NLGN1: variants seen among roughly 807,000 people sequenced by gnomAD.
NLGN1 encodes neuroligin 1, also known as neuroligin-1.
A neutral mutation model predicts 65.5 loss-of-function variants in NLGN1; 12 were observed. The ratio of observed to expected loss-of-function variants is 0.18; its 90% CI spans 0.12 to 0.30. The LOEUF (loss-of-function observed/expected upper bound fraction) is 0.30, where lower values mean the gene tolerates loss of function less well. NLGN1 is among the 10% of genes least tolerant of loss of function. NLGN1 has a pLI of 1.00. For synonymous variants in NLGN1, 350 were observed against 359.5 expected (o/e 0.97, Z 0.30); for missense variants, 750 against 1,007.1 (o/e 0.74, Z 3.46).
chr3:173,818,892 G>GTTTTTTTTTTT (rs1224307666), intron 4 of NLGN1, among the ~76,000 whole-genome samples: 2 of 21,310 alleles, frequency 9.4e-5, no homozygotes, highest in African/African-American at 2.7e-4. Flanking sequence ...CCTTTGAATA[G>GTTTTTTTTTTT]TTCTTTTTTT....
At chr3:173,562,350 T>C (rs1230952164) in intron 2 of NLGN1, among the ~76,000 whole-genome samples, 1 of 152,136 alleles carries the variant, frequency 6.6e-6, no homozygotes, top group Non-Finnish European at 1.5e-5. Flanking sequence ...GAGCGGATCA[T>C]GAGATCAGGA....
At chr3:173,951,176 T>G (rs1190828876) in intron 4 of NLGN1, among the ~76,000 whole-genome samples, 1 of 152,032 alleles carries the variant, frequency 6.6e-6, no homozygotes, top group Non-Finnish European at 1.5e-5. Flanking sequence ...CTGTTATTAA[T>G]TATACAAATA....
chr3:173,753,152 T>G (rs1776549660), intron 3 of NLGN1, among the ~76,000 whole-genome samples: 1 of 152,114 alleles, frequency 6.6e-6, no homozygotes, highest in African/African-American at 2.4e-5. Flanking sequence ...AAAACTACAC[T>G]CATTGCCTTA....
intron 2 of NLGN1, among the ~76,000 whole-genome samples, chr3:173,451,697 G>A (rs1385451544): frequency 2.0e-5 from 3 of 152,178 alleles, no homozygotes; most frequent in Non-Finnish European, 4.4e-5. Flanking sequence ...TTGAGCTGTG[G>A]TGAGCTCCAC....
intron 4 of NLGN1, among the ~76,000 whole-genome samples, chr3:173,919,799 T>C (rs1478560027): frequency 6.6e-6 from 1 of 152,176 alleles, no homozygotes; most frequent in African/African-American, 2.4e-5. Context: ...CTAGTAGATA[T>C]ATAGCTATTA....
intron 4 of NLGN1, among the ~76,000 whole-genome samples, chr3:174,080,894 T>G (rs1310589004): frequency 5.3e-5 from 8 of 150,832 alleles, no homozygotes; most frequent in Admixed American, 2.6e-4. Flanking sequence ...TAACCATCAT[T>G]TGAATTTGAT....
chr3:173,535,523 G>C lies in NLGN1; in HGVS notation c.-320-68756G>C, dbSNP rs140156154. ...TCAGATCATAAGTGACAGGACTATA[G>C]ACAGTGCTCTGAGCCTTAGTAATAT... On this transcript the variant is annotated intron_variant, in intron 2 of 6. Coordinates refer to ENST00000457714, the Ensembl canonical transcript of NLGN1. 7.9e-4 allele frequency among the ~76,000 whole-genome samples: 121 copies of C among 152,238 alleles called. 1 individual carries two copies. The highest frequency in any genetic ancestry group is 1.3e-3 in the Non-Finnish European group (89 of 68,026).
intron 2 of NLGN1, among the ~76,000 whole-genome samples, chr3:173,529,292 C>G (rs2149173391): frequency 6.6e-6 from 1 of 152,172 alleles, no homozygotes; most frequent in South Asian, 2.1e-4. Flanking sequence ...GCCAGCAGCG[C>G]AAAAGCAGGT....
chr3:174,159,925 G>A (rs530318732), intron 4 of NLGN1, among the ~76,000 whole-genome samples: 15 of 151,874 alleles, frequency 9.9e-5, no homozygotes, highest in Admixed American at 5.3e-4. Context: ...CAGCATTAAA[G>A]CCACAGCAGT....
At chr3:174,086,296 TTTATG>T (rs1743351683) in intron 4 of NLGN1, among the ~76,000 whole-genome samples, 1 of 149,840 alleles carries the variant, frequency 6.7e-6, no homozygotes. Flanking sequence ...TATATATATA[TTTATG>T]TATGTGCATA....
chr3:174,124,725 T>C (rs1325750114), intron 4 of NLGN1, among the ~76,000 whole-genome samples: 1 of 149,926 alleles, frequency 6.7e-6, no homozygotes, highest in African/African-American at 2.4e-5. Flanking sequence ...TTTATACGTA[T>C]ATGTGTATAT....
chr3:173,403,404 A>T (rs1483466553), intron 1 of NLGN1, among the ~76,000 whole-genome samples: 2 of 152,146 alleles, frequency 1.3e-5, no homozygotes, highest in African/African-American at 4.8e-5. Context: ...TCACCATCAT[A>T]ATTCAGAGAT....
intron 4 of NLGN1, among the ~76,000 whole-genome samples, chr3:174,018,835 T>C (rs555867863): frequency 1.3e-5 from 2 of 152,282 alleles, no homozygotes; most frequent in Admixed American, 6.5e-5. Flanking sequence ...TAATTTAGAT[T>C]ACTATAATGT....
At chr3:174,240,921 C>T (rs1473093173) in intron 4 of NLGN1, among the ~76,000 whole-genome samples, 1 of 152,124 alleles carries the variant, frequency 6.6e-6, no homozygotes, top group Non-Finnish European at 1.5e-5. Flanking sequence ...TCTGCTGTTT[C>T]TTTTCTGCTT....
At chr3:173,534,908 A>T (rs1737186578) in intron 2 of NLGN1, among the ~76,000 whole-genome samples, 2 of 151,918 alleles carry the variant, frequency 1.3e-5, no homozygotes, top group Non-Finnish European at 2.9e-5. Context: ...ATTGATTAAT[A>T]AATAAATTCA....
chr3:174,012,470 TA>T (rs1405635127), intron 4 of NLGN1, among the ~76,000 whole-genome samples: 4 of 152,168 alleles, frequency 2.6e-5, no homozygotes, highest in Non-Finnish European at 4.4e-5. Flanking sequence ...TCTGAGAGAA[TA>T]ATTAGTAGAA....
chr3:173,797,115 C>T (rs7631933), intron 3 of NLGN1, among the ~76,000 whole-genome samples: 130,186 of 152,086 alleles, frequency 0.86, 56,609 homozygotes, highest in African/African-American at 0.93. Context: ...TAGGGATCTG[C>T]TGCGGTAATC....
chr3:173,939,425 G>A (rs1745599126), intron 4 of NLGN1, among the ~76,000 whole-genome samples: 1 of 152,074 alleles, frequency 6.6e-6, no homozygotes, highest in South Asian at 2.1e-4. Context: ...CTAATCACCT[G>A]TGGTTGTTTA....
chr3:173,507,217 G>A (rs1257711744), intron 2 of NLGN1, among the ~76,000 whole-genome samples: 3 of 151,970 alleles, frequency 2.0e-5, no homozygotes, highest in Non-Finnish European at 4.4e-5. Flanking sequence ...ATTCTGTTCT[G>A]GACCACACAA....
Sources: allele counts gnomAD v4.1 joint callset (sites outside exome capture counted in the v4.1 genomes callset), GRCh38; gene constraint gnomAD v4.1.1; transcripts MANE v1.5; gene names NCBI Gene and HGNC (gene_info 2026-07-23, HGNC 2026-07-21).